Variants in PPP1R9A observed in about 807,000 individuals in gnomAD.
PPP1R9A encodes the protein protein phosphatase 1 regulatory subunit 9A, also known as neurabin-1.
Under a neutral mutation model 141.9 loss-of-function variants are expected in PPP1R9A, and 59 were observed. That is an observed-to-expected ratio of 0.42 (90% CI 0.34 to 0.52). PPP1R9A has a LOEUF of 0.52. Among genes scored for constraint, PPP1R9A ranks in the 20% least tolerant of loss-of-function variants. The probability of loss-of-function intolerance (pLI) is 0.10; values close to 1 mark genes in which losing one functional copy is unlikely to be tolerated. For synonymous variants in PPP1R9A, 500 were observed against 569.7 expected (o/e 0.88, Z 1.74); for missense variants, 1,444 against 1,611.9 (o/e 0.90, Z 1.78).
intron 2 of PPP1R9A, among the ~76,000 whole-genome samples, chr7:95,008,809 C>T (rs904521088): frequency 2.6e-5 from 4 of 151,876 alleles, no homozygotes; most frequent in African/African-American, 7.3e-5. Flanking sequence ...GGGTATATAC[C>T]CAAAGGATTA....
chr7:95,127,463 G>A (rs1337165916), intron 4 of PPP1R9A, among the ~76,000 whole-genome samples: 1 of 151,438 alleles, frequency 6.6e-6, no homozygotes, highest in East Asian at 1.9e-4. Flanking sequence ...CTGTTGCATG[G>A]AATACTTTGC....
At chr7:95,148,722 AAG>A (rs972217734) in intron 4 of PPP1R9A, among the ~76,000 whole-genome samples, 23 of 151,960 alleles carry the variant, frequency 1.5e-4, no homozygotes, top group African/African-American at 5.3e-4. Flanking sequence ...AACCTTCAAA[AAG>A]AGAGAACAAC....
chr7:95,014,454 GTTTTC>G (rs1008199284), intron 2 of PPP1R9A, among the ~76,000 whole-genome samples: 9 of 151,898 alleles, frequency 5.9e-5, no homozygotes, highest in East Asian at 1.9e-4. Context: ...AAGTGTTTTT[GTTTTC>G]TTTTCAGTGC....
intron 2 of PPP1R9A, among the ~76,000 whole-genome samples, chr7:94,952,104 C>G (rs1796542598): frequency 6.6e-6 from 1 of 152,064 alleles, no homozygotes; most frequent in African/African-American, 2.4e-5. Context: ...TTATCCCTCC[C>G]CTAGCACCCC....
intron 5 of PPP1R9A, among the ~76,000 whole-genome samples, chr7:95,177,337 C>T (rs1222851943): frequency 1.3e-5 from 2 of 152,140 alleles, no homozygotes; most frequent in Non-Finnish European, 2.9e-5. Flanking sequence ...TCACCACTAA[C>T]AAGCCACCAC....
chr7:94,971,096 G>C lies in PPP1R9A; in HGVS notation c.1395+59588G>C, dbSNP rs1394919719. Among the ~76,000 whole-genome samples the C allele has an allele frequency of 2.0e-5, 3 of 152,192 alleles. No individual in the cohort carries two copies. In the East Asian group the frequency reaches 5.8e-4, roughly 29 times the overall value. ...GCTCAGAGTCTAGTAGGAGAGAGGGGAAAGGGACAAAAGAGAAAAAAAAGC... is the reference window on the plus strand; with the variant it reads ...GCTCAGAGTCTAGTAGGAGAGAGGGCAAAGGGACAAAAGAGAAAAAAAAGC... On this transcript the variant is annotated intron_variant, in intron 2 of 19. Transcript: ENST00000433360.
At chr7:95,073,624 GTTTTTTTTTTT>G (rs36077129) in intron 2 of PPP1R9A, among the ~76,000 whole-genome samples, 1 of 105,558 alleles carries the variant, frequency 9.5e-6, no homozygotes, top group Non-Finnish European at 1.9e-5. Context: ...AAAGAAATAA[GTTTTTTTTTTT>G]TTTTTTTTTT....
chr7:95,216,248 T>C (rs930223986), intron 7 of PPP1R9A, among the ~76,000 whole-genome samples: 1 of 152,230 alleles, frequency 6.6e-6, no homozygotes, highest in African/African-American at 2.4e-5. Flanking sequence ...CTTGTTTTTG[T>C]CAGGTTTATC....
rs746165385 is a variant in PPP1R9A at position 94,910,844 on chromosome 7, C to A, written c.731C>A (p.Thr244Lys). 2.0e-5 allele frequency: 33 copies of A among 1,613,804 alleles called. No homozygotes were observed. The highest frequency in any genetic ancestry group is 2.6e-5 in the Non-Finnish European group (31 of 1,180,024). Reference sequence around the variant, plus strand: ...TTGAATTTACCATCTGTTACTGTTACAAATCTTGACACATTTGGTCACCTG... The same window carrying A: ...TTGAATTTACCATCTGTTACTGTTAAAAATCTTGACACATTTGGTCACCTG... ...YPLNLPSVTV[T>K]NLDTFGHLKD... The change falls in exon 2 of 20, where the codon ACA becomes AAA. Residue 244 changes from threonine (T) to lysine (K), a missense_variant. Around this residue, in one of 5 missense-constraint regions of PPP1R9A, gnomAD observed 490 missense variants for 521.1 expected, o/e 0.94. Coordinates refer to ENST00000433360, the MANE Select transcript of PPP1R9A (RefSeq NM_001166160.2). This position sits in a 1 kb window ranked among gnomAD's most constrained non-coding sequence, Gnocchi z 4.5.
Position 95,111,386 on chromosome 7 carries a change from A to G in PPP1R9A, c.1523A>G (p.Glu508Gly), listed in dbSNP as rs1329157342. 1 of 1,613,596 alleles carries G rather than the reference A, an allele frequency of 6.2e-7. No individual in the cohort carries two copies. Residue 508 changes from glutamate to glycine, a missense_variant, in exon 3 of 20, where the codon GAG (glutamate) becomes GGG (glycine). Glu to Gly is a moderately conservative substitution (Grantham distance 98). Transcript: ENST00000433360. ...CTGGAACTTTTCCCAGTGGAGCTAG[A>G]GAAAGGTTCGTGAGTGCTACAGTGT... ...EKLELFPVEL[E>G]KDEDGLGISI...
At chr7:95,166,514 G>T (rs1272835555) in intron 5 of PPP1R9A, among the ~76,000 whole-genome samples, 1 of 152,180 alleles carries the variant, frequency 6.6e-6, no homozygotes, top group African/African-American at 2.4e-5. Flanking sequence ...GATTGAATCA[G>T]TAATAAAAAT....
intron 2 of PPP1R9A, among the ~76,000 whole-genome samples, chr7:94,922,048 T>TA (rs746424962): frequency 6.6e-6 from 1 of 151,182 alleles, no homozygotes; most frequent in East Asian, 1.9e-4. Flanking sequence ...CGTCTAGAAT[T>TA]ACCTATTATT....
intron 7 of PPP1R9A, among the ~76,000 whole-genome samples, chr7:95,212,788 A>T (rs1336906976): frequency 1.3e-5 from 2 of 152,204 alleles, no homozygotes; most frequent in Non-Finnish European, 2.9e-5. Flanking sequence ...GGAAAGGTCA[A>T]TACAGAAGCT....
At chr7:95,256,007 A>G (rs1799532362) in intron 12 of PPP1R9A, among the ~76,000 whole-genome samples, 1 of 152,102 alleles carries the variant, frequency 6.6e-6, no homozygotes, top group South Asian at 2.1e-4. Flanking sequence ...ACACCTACCT[A>G]CTCAGTGAGT....
At chr7:95,175,097 G>A (rs960317850) in intron 5 of PPP1R9A, 2 of 152,130 alleles carry the variant, frequency 1.3e-5, no homozygotes, top group Non-Finnish European at 2.9e-5. Context: ...AATCTGAAAT[G>A]ACATCCCGTC....
chr7:95,183,506 A>T (rs1352671647), intron 5 of PPP1R9A, among the ~76,000 whole-genome samples: 1 of 135,680 alleles, frequency 7.4e-6, no homozygotes, highest in Non-Finnish European at 1.5e-5. Context: ...GCTGGAGTGC[A>T]GTGGCACAAT....
intron 2 of PPP1R9A, among the ~76,000 whole-genome samples, chr7:95,016,399 A>G (rs1430729292): frequency 6.6e-6 from 1 of 152,158 alleles, no homozygotes; most frequent in Non-Finnish European, 1.5e-5. Context: ...AAAACCGGAT[A>G]AAAACATTGA....
chr7:94,934,959 A>C (rs952048146), intron 2 of PPP1R9A, among the ~76,000 whole-genome samples: 1 of 152,060 alleles, frequency 6.6e-6, no homozygotes, highest in African/African-American at 2.4e-5. Flanking sequence ...CCTGGGCTCA[A>C]GTGATCCTAC....
intron 5 of PPP1R9A, among the ~76,000 whole-genome samples, chr7:95,180,730 A>G (rs1410089950): frequency 6.6e-6 from 1 of 152,092 alleles, no homozygotes; most frequent in East Asian, 1.9e-4. Flanking sequence ...CAGTTCTCAA[A>G]ACAAAAGAAG....
Sources: allele counts gnomAD v4.1 joint callset (sites outside exome capture counted in the v4.1 genomes callset), GRCh38; gene constraint gnomAD v4.1.1; regional missense constraint gnomAD v4.1.1; non-coding constraint Gnocchi (gnomAD v3.1); transcripts MANE v1.5; gene names NCBI Gene and HGNC (gene_info 2026-07-23, HGNC 2026-07-21).